NLRC5: variants seen among roughly 807,000 people sequenced by gnomAD.
NLRC5 encodes the protein protein NLRC5.
Under a neutral mutation model 206.9 loss-of-function variants are expected in NLRC5, and 114 were observed. The ratio of observed to expected loss-of-function variants is 0.55; its 90% CI spans 0.47 to 0.64. The LOEUF is 0.64. NLRC5 is among the 30% of genes least tolerant of loss of function. The pLI, the probability that NLRC5 is intolerant of heterozygous loss-of-function variation, is 0.00. For synonymous variants in NLRC5, 952 were observed against 962.8 expected (o/e 0.99, Z 0.21); for missense variants, 2,008 against 2,305.5 (o/e 0.87, Z 2.64).
intron 36 of NLRC5, among the ~76,000 whole-genome samples, chr16:57,069,029 A>C (rs2067355540): frequency 1.3e-5 from 2 of 152,234 alleles, no homozygotes; most frequent in African/African-American, 2.4e-5. Flanking sequence ...GATGTGTCAG[A>C]GTCCTCGGGC....
At chr16:57,080,966 C>T in intron 46 of NLRC5, 132 bp from the exon 47 acceptor site, 1 of 701,392 alleles carries the variant, frequency 1.4e-6, no homozygotes, top group South Asian at 1.7e-5. Context: ...CACACAAGCA[C>T]CCTATCAGGT....
intron 21 of NLRC5, among the ~76,000 whole-genome samples, chr16:57,046,174 C>G (rs1388435453): frequency 6.6e-6 from 1 of 152,192 alleles, no homozygotes; most frequent in African/African-American, 2.4e-5. Context: ...TTCTGGGGAA[C>G]CCCCGGGTTC....
rs1047499230 is a variant in NLRC5 at position 57,077,480 on chromosome 16, G to A, written c.4919+101G>A. On this transcript the variant is annotated intron_variant, in intron 41 of 48. Coordinates refer to ENST00000688547, the MANE Select transcript of NLRC5 (RefSeq NM_001384950.1). ...GCCAGCATGGTAAAATCTCCCCTGC[G>A]CCAACCTCAGTGTCCAGGCAGTGGG... The A allele has an allele frequency of 1.8e-5, 21 of 1,170,512 alleles. No homozygotes were observed. In the Admixed American group the frequency reaches 2.6e-4, roughly 14 times the overall value. The allele number at this position is 1,170,512 out of a possible 1,614,324, so 72.5% of individuals were successfully genotyped here. A position where few individuals can be genotyped will look rare whatever the true frequency, so the allele number is the denominator to read the frequency against.
At chr16:57,081,656 C>G (rs1311129461) in intron 48 of NLRC5, 46 bp downstream of exon 48, 2 of 1,530,344 alleles carry the variant, frequency 1.3e-6, no homozygotes, top group Non-Finnish European at 9.1e-7. Context: ...GGAGGCTACA[C>G]CAACCCCCAG....
intron 46 of NLRC5, among the ~76,000 whole-genome samples, chr16:57,080,236 C>G (rs1391939381): frequency 6.6e-6 from 1 of 152,258 alleles, no homozygotes; most frequent in African/African-American, 2.4e-5. Context: ...TCCTAAAGGT[C>G]TTAACCCTTC....
intron 14 of NLRC5, 115 bp downstream of exon 14, chr16:57,036,298 C>A: frequency 1.1e-6 from 1 of 916,360 alleles, no homozygotes; most frequent in Non-Finnish European, 1.7e-6. Flanking sequence ...CTGCTTCCTC[C>A]CAACTCCAGC....
intron 22 of NLRC5, 26 bp downstream of exon 22, chr16:57,046,667 G>C: frequency 2.5e-6 from 4 of 1,600,640 alleles, no homozygotes; most frequent in Non-Finnish European, 3.4e-6. Flanking sequence ...TTCTTGTTTG[G>C]GGGTAACCAT....
chr16:57,047,523 C>T (rs1197353975), intron 22 of NLRC5, 22 bp from the exon 23 acceptor site: 4 of 1,603,128 alleles, frequency 2.5e-6, no homozygotes, highest in Non-Finnish European at 3.4e-6. Context: ...GATTCCCTGC[C>T]CTGCCCATTG....
At chr16:57,014,504 A>G (rs1346370022) in intron 1 of NLRC5, among the ~76,000 whole-genome samples, 11 of 152,230 alleles carry the variant, frequency 7.2e-5, no homozygotes, top group Admixed American at 7.2e-4. Context: ...CTTAAAAGTA[A>G]CTTCAGCGGT....
intron 36 of NLRC5, among the ~76,000 whole-genome samples, chr16:57,068,432 G>GA (rs36035686): frequency 0.42 from 56,966 of 136,680 alleles, 12,188 homozygotes; most frequent in Non-Finnish European, 0.5. Flanking sequence ...CTCGGTTTCC[G>GA]AAAAAAAAAA....
At chr16:57,069,947 A>G (rs773017886) in intron 37 of NLRC5, 28 bp downstream of exon 37, 4 of 1,543,220 alleles carry the variant, frequency 2.6e-6, no homozygotes, top group Non-Finnish European at 1.8e-6. Flanking sequence ...GGGATTGGGG[A>G]CAAGTGGCCC....
At chr16:57,059,442 C>T (rs1234093713) in intron 29 of NLRC5, 25 bp from the exon 30 acceptor site, 1 of 1,593,506 alleles carries the variant, frequency 6.3e-7, no homozygotes, top group Non-Finnish European at 8.5e-7. Context: ...GGGCACCGTG[C>T]TTCCCCAGGC....
chr16:57,017,385 C>G (rs2060202348), intron 2 of NLRC5, among the ~76,000 whole-genome samples, 197 bp downstream of exon 2: 1 of 152,164 alleles, frequency 6.6e-6, no homozygotes, highest in South Asian at 2.1e-4. Flanking sequence ...AGTTTTGAGA[C>G]AGCATCTAAT....
At chr16:57,046,228 G>C (rs371500167) in intron 21 of NLRC5, among the ~76,000 whole-genome samples, 1 of 152,242 alleles carries the variant, frequency 6.6e-6, no homozygotes, top group Non-Finnish European at 1.5e-5. Flanking sequence ...GAAGTCATGT[G>C]ATGCCAAGCA....
chr16:56,989,589 G>GCTGAGAGTGAGTGCCGGGAGCT lies in NLRC5; in HGVS notation c.-151_-150insAGTGAGTGCCGGGAGCTCTGAG. ...TGCAGAGCGCGGAGGAGCCGCGAGCGCTGAGGGTGAGTGCCGGGAGCTCTG... is the reference window on the plus strand; with the variant it reads ...TGCAGAGCGCGGAGGAGCCGCGAGCGCTGAGAGTGAGTGCCGGGAGCTCTGAGGGTGAGTGCCGGGAGCTCTG... On this transcript the variant is annotated 5_prime_UTR_variant, in exon 1 of 49. Transcript: ENST00000688547. The GCTGAGAGTGAGTGCCGGGAGCT allele has an allele frequency of 6.6e-6, 1 of 152,050 alleles. No individual in the cohort carries two copies. The highest frequency in any genetic ancestry group is 2.4e-5 in the African/African-American group (1 of 41,168). The allele number at this position is 152,050 out of a possible 1,614,324, so 9.4% of individuals were successfully genotyped here.
chr16:57,050,644 T>C (rs2064766926), intron 23 of NLRC5, among the ~76,000 whole-genome samples: 1 of 152,094 alleles, frequency 6.6e-6, no homozygotes, highest in Non-Finnish European at 1.5e-5. Flanking sequence ...TGGTCCTCCA[T>C]CTAGAGCAGA....
At position 57,030,054 on chromosome 16, in the gene NLRC5, C is replaced by T. The variant is rs758800259; in HGVS notation, c.2387C>T (p.Thr796Met). Residue 796 changes from threonine to methionine, a missense_variant, in exon 10 of 49, where the codon ACG (threonine) becomes ATG (methionine). Physicochemically the swap from Thr to Met is moderately conservative, Grantham distance 81. Transcript: ENST00000688547. ...TLLCLARVAVTCPTVRMLQAR... is the reference protein window; with the variant it reads ...TLLCLARVAVMCPTVRMLQAR... The stretch of plus-strand genomic sequence containing the variant: ...CTCTGCTTGGCAAGGGTGGCAGTCA[C>T]GTGTCCTACCGTCAGGATGCTTCAG... The T allele has an allele frequency of 1.8e-5, 29 of 1,613,986 alleles. No individual in the cohort carries two copies. Among genetic ancestry groups the T allele is most frequent in the Middle Eastern group, 1.6e-4 (1 of 6,084 alleles).
intron 1 of NLRC5, among the ~76,000 whole-genome samples, chr16:57,010,998 G>C (rs1672862): frequency 0.76 from 116,013 of 152,006 alleles, 45,182 homozygotes; most frequent in Non-Finnish European, 0.86. Context: ...GTCCCAGCAG[G>C]CCCAGACCCC....
intron 21 of NLRC5, among the ~76,000 whole-genome samples, chr16:57,046,343 C>G (rs1262083593): frequency 1.3e-5 from 2 of 152,160 alleles, no homozygotes; most frequent in Admixed American, 6.5e-5. Flanking sequence ...CCTCAGTTTC[C>G]CCATCTGAAC....
Sources: allele counts gnomAD v4.1 joint callset (sites outside exome capture counted in the v4.1 genomes callset), GRCh38; gene constraint gnomAD v4.1.1; transcripts MANE v1.5; gene names NCBI Gene and HGNC (gene_info 2026-07-23, HGNC 2026-07-21).